The following ZFAND4 variants were observed in gnomAD, a reference collection of about 807,000 sequenced individuals.
ZFAND4 encodes the protein AN1-type zinc finger protein 4.
A neutral mutation model predicts 64.4 loss-of-function variants in ZFAND4; 43 were observed. The observed-to-expected ratio is 0.67, with a 90% CI of 0.52 to 0.86. ZFAND4 has a LOEUF of 0.86. ZFAND4 is among the 40% of genes least tolerant of loss of function. The pLI is 0.00. For synonymous variants in ZFAND4, 296 were observed against 305.7 expected (o/e 0.97, Z 0.33); for missense variants, 929 against 859.8 (o/e 1.08, Z -1.01).
In ZFAND4 at chr10:45,627,088, C is replaced by T; in HGVS notation, c.735G>A (p.Lys245=). Residue 245 remains lysine, a synonymous_variant, in exon 7 of 10, where the codon AAG becomes AAA. Transcript: ENST00000344646. ...NLSKKPKKAV[K]IKPHPPVAPR... ...GAGCTACAGGTGGGTGAGGTTTTAT[C>T]TTGACAGCTTTCTTAGGCTAAAAGG... 1 of 1,540,456 alleles carries T rather than the reference C, an allele frequency of 6.5e-7. No homozygotes were observed. The highest frequency in any genetic ancestry group is 8.7e-7 in the Non-Finnish European group (1 of 1,145,694).
intron 2 of ZFAND4, among the ~76,000 whole-genome samples, chr10:45,655,562 T>C (rs2048042434): frequency 6.6e-6 from 1 of 151,988 alleles, no homozygotes; most frequent in Non-Finnish European, 1.5e-5. Flanking sequence ...TAAAGATCAA[T>C]AAATAAAAGT....
intron 1 of ZFAND4, among the ~76,000 whole-genome samples, chr10:45,670,313 G>C (rs1217285010): frequency 6.7e-6 from 1 of 149,048 alleles, no homozygotes; most frequent in Non-Finnish European, 1.5e-5. Flanking sequence ...CACAACCTCC[G>C]CCTCCCAGAT....
chr10:45,669,094 A>C (rs1243457627), intron 1 of ZFAND4, among the ~76,000 whole-genome samples: 1 of 152,244 alleles, frequency 6.6e-6, no homozygotes, highest in East Asian at 1.9e-4. Context: ...CCTTCAAAAA[A>C]TCAATGAATC....
chr10:45,672,082 T>G (rs2049236032), intron 1 of ZFAND4, among the ~76,000 whole-genome samples, 168 bp downstream of exon 1: 1 of 152,222 alleles, frequency 6.6e-6, no homozygotes, highest in Admixed American at 6.5e-5. Context: ...GACACAGATC[T>G]ACATTTACTG....
intron 8 of ZFAND4, chr10:45,620,899 G>A (rs1333493815): frequency 6.6e-6 from 1 of 152,068 alleles, no homozygotes; most frequent in African/African-American, 2.4e-5. Context: ...ACTCCTCTCT[G>A]AAGCCTTCTC....
chr10:45,635,363 T>C (rs1176889820), intron 6 of ZFAND4, among the ~76,000 whole-genome samples: 3 of 151,804 alleles, frequency 2.0e-5, no homozygotes, highest in African/African-American at 7.3e-5. Flanking sequence ...CAGAAACAAG[T>C]CCACAGACCC....
chr10:45,664,264 G>T, intron 1 of ZFAND4, among the ~76,000 whole-genome samples: 1 of 149,826 alleles, frequency 6.7e-6, no homozygotes, highest in African/African-American at 2.5e-5. Context: ...TACAACGATT[G>T]TACATTTGAC....
chr10:45,642,330 G>A (rs1174365976), intron 5 of ZFAND4, among the ~76,000 whole-genome samples: 1 of 152,066 alleles, frequency 6.6e-6, no homozygotes, highest in African/African-American at 2.4e-5. Context: ...ACAATCAGCT[G>A]GGCGTGATGG....
chr10:45,662,508 A>T lies in ZFAND4; in HGVS notation c.184+1034T>A, dbSNP rs558967952. 3 of 738,986 alleles carry T rather than the reference A, an allele frequency of 4.1e-6. No homozygotes were observed. The Admixed American group carries it at 1.9e-4, about 46-fold the overall frequency. The allele number at this position is 738,986 out of a possible 1,614,324, so 45.8% of individuals were successfully genotyped here. On this transcript the variant is annotated intron_variant, in intron 2 of 9. Transcript: ENST00000344646. ...TTCACCTTCATGCTCCAAAAAAGGTATCCTTTAAACTATGATATAAATTGC... is the reference window on the plus strand; with the variant it reads ...TTCACCTTCATGCTCCAAAAAAGGTTTCCTTTAAACTATGATATAAATTGC...
chr10:45,629,337 T>C (rs976871540), intron 6 of ZFAND4, among the ~76,000 whole-genome samples: 8 of 152,072 alleles, frequency 5.3e-5, no homozygotes, highest in Non-Finnish European at 1.5e-5. Flanking sequence ...TCTGGGATTA[T>C]AGGCATGAGC....
At chr10:45,664,508 C>T (rs1245203116) in intron 1 of ZFAND4, among the ~76,000 whole-genome samples, 1 of 151,522 alleles carries the variant, frequency 6.6e-6, no homozygotes, top group Non-Finnish European at 1.5e-5. Flanking sequence ...ACCTTGTGAT[C>T]CACCCGCCTC....
intron 4 of ZFAND4, chr10:45,648,959 T>G (rs767735117): frequency 1.0e-4 from 101 of 985,060 alleles, no homozygotes; most frequent in Non-Finnish European, 1.2e-4. Context: ...TAAATTCCAC[T>G]TACGTTAGAT....
chr10:45,638,352 G>A (rs530232911), intron 6 of ZFAND4, among the ~76,000 whole-genome samples: 289 of 151,304 alleles, frequency 1.9e-3, no homozygotes, highest in Non-Finnish European at 3.6e-3. Context: ...AAATTAGCCC[G>A]GCGTAGTGGC....
Position 45,659,303 on chromosome 10 carries a change from C to T in ZFAND4, c.184+4239G>A, listed in dbSNP as rs202237044. On this transcript the variant is annotated intron_variant, in intron 2 of 9. Coordinates refer to ENST00000344646, the MANE Select transcript of ZFAND4 (RefSeq NM_174890.4). ...CCCTCTTCCCAATACCTCACCACCA[C>T]ACTAACAAGGCTCCAGTATAACAAC... Among the ~76,000 whole-genome samples the T allele has an allele frequency of 6.6e-5, 10 of 152,316 alleles. No homozygotes were observed. In the East Asian group the frequency reaches 1.7e-3, roughly 26 times the overall value.
At chr10:45,659,329 A>C (rs563728003) in intron 2 of ZFAND4, among the ~76,000 whole-genome samples, 1 of 152,320 alleles carries the variant, frequency 6.6e-6, no homozygotes, top group African/African-American at 2.4e-5. Context: ...GTATAACAAC[A>C]GTGGATTACA....
intron 2 of ZFAND4, among the ~76,000 whole-genome samples, chr10:45,657,824 C>A (rs537668575): frequency 1.3e-5 from 2 of 151,802 alleles, no homozygotes; most frequent in South Asian, 2.1e-4. Flanking sequence ...GTGAAAAAAA[C>A]CAGACTTAAG....
At chr10:45,618,327 A>G in intron 8 of ZFAND4, 67 bp from the exon 9 acceptor site, 2 of 1,555,080 alleles carry the variant, frequency 1.3e-6, no homozygotes, top group Non-Finnish European at 1.7e-6. Context: ...ATTATTAAGC[A>G]AAACACAAAA....
At chr10:45,664,460 G>C (rs1005754214) in intron 1 of ZFAND4, among the ~76,000 whole-genome samples, 1 of 151,358 alleles carries the variant, frequency 6.6e-6, no homozygotes, top group African/African-American at 2.4e-5. Flanking sequence ...GTAGAGACGG[G>C]GTTTCACCAC....
intron 9 of ZFAND4, among the ~76,000 whole-genome samples, chr10:45,617,555 G>A (rs1589222260): frequency 1.7e-5 from 2 of 117,650 alleles, no homozygotes; most frequent in African/African-American, 3.3e-5. Flanking sequence ...TTGAGCCCAA[G>A]ACATCAAGGC....
Sources: allele counts gnomAD v4.1 joint callset (sites outside exome capture counted in the v4.1 genomes callset), GRCh38; gene constraint gnomAD v4.1.1; transcripts MANE v1.5; gene names NCBI Gene and HGNC (gene_info 2026-07-23, HGNC 2026-07-21).